Variants in SLC35F4 observed in about 807,000 individuals in gnomAD.
SLC35F4 encodes the protein chromosome 14 open reading frame 36.
Under a neutral mutation model 44.2 loss-of-function variants are expected in SLC35F4, and 24 were observed. That is an observed-to-expected ratio of 0.54 (90% CI 0.39 to 0.76). The LOEUF (loss-of-function observed/expected upper bound fraction) is 0.76, where lower values mean the gene tolerates loss of function less well. Among genes scored for constraint, SLC35F4 ranks in the 30% least tolerant of loss-of-function variants. The pLI is 0.00. For synonymous variants in SLC35F4, 238 were observed against 223.6 expected, an observed-to-expected ratio of 1.06 and a Z score of -0.57; for missense variants, 562 against 586.1, an observed-to-expected ratio of 0.96 and a Z score of 0.42.
intron 1 of SLC35F4, among the ~76,000 whole-genome samples, chr14:57,922,996 A>G (rs995239430): frequency 2.0e-5 from 3 of 152,334 alleles, no homozygotes; most frequent in South Asian, 4.1e-4. Flanking sequence ...CAAAAGCCTT[A>G]TATGCTTTAT....
At chr14:57,813,889 T>C (rs1882259954) in intron 1 of SLC35F4, among the ~76,000 whole-genome samples, 1 of 152,142 alleles carries the variant, frequency 6.6e-6, no homozygotes, top group South Asian at 2.1e-4. Flanking sequence ...TTCCCTTAGG[T>C]GGTCCATGCT....
At chr14:57,965,174 G>C (rs1167177295) in intron 1 of SLC35F4, among the ~76,000 whole-genome samples, 1 of 152,096 alleles carries the variant, frequency 6.6e-6, no homozygotes, top group South Asian at 2.1e-4. Context: ...GTCTCACTGG[G>C]TTAAAAATTC....
At chr14:57,640,126 G>C (rs554369088) in intron 1 of SLC35F4, among the ~76,000 whole-genome samples, 1 of 151,982 alleles carries the variant, frequency 6.6e-6, no homozygotes, top group South Asian at 2.1e-4. Context: ...GGGAAGAGAG[G>C]GTTAAAGTTT....
chr14:57,883,457 G>A (rs76271288), intron 1 of SLC35F4, among the ~76,000 whole-genome samples: 2,104 of 152,222 alleles, frequency 0.014, 52 homozygotes, highest in African/African-American at 0.048. Flanking sequence ...CTTAGCATTT[G>A]CCCTCTACAA....
chr14:57,679,123 A>G (rs2074802322), intron 1 of SLC35F4, among the ~76,000 whole-genome samples: 1 of 152,010 alleles, frequency 6.6e-6, no homozygotes, highest in South Asian at 2.1e-4. Flanking sequence ...CATAATTGGA[A>G]GTAAAACACT....
intron 1 of SLC35F4, among the ~76,000 whole-genome samples, chr14:57,602,057 T>G (rs2070854877): frequency 6.6e-6 from 1 of 152,064 alleles, no homozygotes; most frequent in South Asian, 2.1e-4. Context: ...GGGAAGATAA[T>G]ATATATTTCC....
upstream of SLC35F4, among the ~76,000 whole-genome samples, chr14:57,870,746 C>A (rs1888281411): frequency 6.6e-6 from 1 of 152,228 alleles, no homozygotes; most frequent in Non-Finnish European, 1.5e-5. Flanking sequence ...AGCCCTGCCC[C>A]TGCTCTGTCC....
intron 1 of SLC35F4, among the ~76,000 whole-genome samples, chr14:57,678,754 C>A (rs1185390402): frequency 1.3e-5 from 2 of 151,404 alleles, no homozygotes; most frequent in Non-Finnish European, 2.9e-5. Context: ...GACTTTAAAC[C>A]AACAAAGATC....
chr14:57,944,355 GC>G (rs1241739000), intron 1 of SLC35F4, among the ~76,000 whole-genome samples: 1 of 152,116 alleles, frequency 6.6e-6, no homozygotes, highest in African/African-American at 2.4e-5. Flanking sequence ...GAAAACAATA[GC>G]TTTTTCTCCT....
chr14:57,564,329 C>G lies in SLC35F4; in HGVS notation c.1264G>C (p.Ala422Pro). 6.2e-7 allele frequency: 1 copy of G among 1,611,096 alleles called. No individual in the cohort carries two copies. Among genetic ancestry groups the G allele is most frequent in the South Asian group, 1.1e-5 (1 of 90,288 alleles). The change falls in exon 8 of 8, where the codon GCT becomes CCT. Residue 422 changes from alanine to proline, a missense_variant. Ala to Pro is a conservative substitution (Grantham distance 27). Transcript: ENST00000556826. Reference sequence around the variant, plus strand: ...CCAATGCAGATGATGATGGTAGCAGCCAGGCGGACAACATTGAATATCACC... The same window carrying G: ...CCAATGCAGATGATGATGGTAGCAGGCAGGCGGACAACATTGAATATCACC... ...QEVIFNVVRL[A>P]ATIIICIGFL...
At chr14:57,758,849 G>C (rs747254149) in intron 1 of SLC35F4, among the ~76,000 whole-genome samples, 21 of 152,030 alleles carry the variant, frequency 1.4e-4, no homozygotes, top group Non-Finnish European at 2.9e-5. Flanking sequence ...TATTCTTCTT[G>C]CATAACTGAC....
chr14:57,948,933 G>C (rs990611131), intron 1 of SLC35F4, among the ~76,000 whole-genome samples: 4 of 152,050 alleles, frequency 2.6e-5, no homozygotes, highest in African/African-American at 9.7e-5. Context: ...TAAATTTTTT[G>C]AGACTTGTTT....
intron 1 of SLC35F4, among the ~76,000 whole-genome samples, chr14:57,777,571 G>A (rs2077518923): frequency 6.6e-6 from 1 of 151,830 alleles, no homozygotes; most frequent in Non-Finnish European, 1.5e-5. Context: ...GGTGGGAGCT[G>A]AAAAATGAGA....
At chr14:57,797,808 A>G (rs866813461) in intron 1 of SLC35F4, among the ~76,000 whole-genome samples, 1 of 152,304 alleles carries the variant, frequency 6.6e-6, no homozygotes, top group Middle Eastern at 3.4e-3. Flanking sequence ...AATAGTTTAT[A>G]TCCTTGCCAT....
chr14:57,575,567 G>A (rs371965949), intron 4 of SLC35F4, among the ~76,000 whole-genome samples: 6 of 152,176 alleles, frequency 3.9e-5, no homozygotes, highest in Admixed American at 3.9e-4. Flanking sequence ...AGTAACCATA[G>A]TGACCATAAA....
chr14:57,752,818 G>A (rs2076916678), intron 1 of SLC35F4, among the ~76,000 whole-genome samples: 1 of 152,172 alleles, frequency 6.6e-6, no homozygotes, highest in Admixed American at 6.5e-5. Context: ...GTCTGAAACA[G>A]CCATTTCCTA....
intron 1 of SLC35F4, among the ~76,000 whole-genome samples, chr14:57,932,158 A>G (rs2141066502): frequency 6.6e-6 from 1 of 152,298 alleles, no homozygotes; most frequent in African/African-American, 2.4e-5. Flanking sequence ...AAACTGTACC[A>G]TCAGCTTGCT....
At chr14:57,964,407 TAAA>T (rs34459578) in intron 1 of SLC35F4, among the ~76,000 whole-genome samples, 3 of 150,732 alleles carry the variant, frequency 2.0e-5, no homozygotes, top group African/African-American at 7.3e-5. Flanking sequence ...ACTCTAAATT[TAAA>T]AAAAAAATCA....
chr14:57,869,556 T>A (rs1185806851), upstream of SLC35F4, among the ~76,000 whole-genome samples: 1 of 152,198 alleles, frequency 6.6e-6, no homozygotes, highest in African/African-American at 2.4e-5. Context: ...GAAGGGGAAA[T>A]GATCTTTTTC....
Sources: allele counts gnomAD v4.1 joint callset (sites outside exome capture counted in the v4.1 genomes callset), GRCh38; gene constraint gnomAD v4.1.1; transcripts MANE v1.5; gene names NCBI Gene and HGNC (gene_info 2026-07-23, HGNC 2026-07-21).